SCUBE1: variants seen among roughly 807,000 people sequenced by gnomAD.
SCUBE1 encodes signal peptide, CUB and EGF-like domain-containing protein 1.
SCUBE1 carries 59 observed loss-of-function variants against 124.4 expected under a neutral mutation model. The observed-to-expected ratio is 0.47, with a 90% CI of 0.38 to 0.59. The LOEUF (loss-of-function observed/expected upper bound fraction) is 0.59, where lower values mean the gene tolerates loss of function less well. SCUBE1 is among the 20% of genes least tolerant of loss of function. The probability of loss-of-function intolerance (pLI) is 0.00; values close to 1 mark genes in which losing one functional copy is unlikely to be tolerated. For missense variants in SCUBE1, 1,150 were observed against 1,371.2 expected (o/e 0.84, Z 2.55); for synonymous variants, 545 against 550.9 (o/e 0.99, Z 0.15).
At chr22:43,288,413 C>T (rs1056238582) in intron 4 of SCUBE1, among the ~76,000 whole-genome samples, 2 of 152,222 alleles carry the variant, frequency 1.3e-5, no homozygotes, top group African/African-American at 4.8e-5. Context: ...AGCTTTCCCA[C>T]AGCTGCCCTC....
chr22:43,341,754 C>A (rs1056380012), intron 1 of SCUBE1, among the ~76,000 whole-genome samples: 1 of 152,160 alleles, frequency 6.6e-6, no homozygotes, highest in African/African-American at 2.4e-5. Flanking sequence ...GCGACCCAGC[C>A]CTCCTAGCAC....
chr22:43,288,706 T>C (rs1039240434), intron 4 of SCUBE1, among the ~76,000 whole-genome samples: 13 of 152,204 alleles, frequency 8.5e-5, no homozygotes, highest in Admixed American at 2.6e-4. Context: ...GCGGGCCCCA[T>C]AGCTAGCGTG....
In SCUBE1 at chr22:43,199,101, T is replaced by TGGGGCAGTTTGTCTGTCTGTCTGCTGTCG; in HGVS notation, c.*4895_*4896insCGACAGCAGACAGACAGACAAACTGCCCC. On this transcript the variant is annotated 3_prime_UTR_variant, in exon 22 of 22. Transcript: ENST00000360835. ...GCAGTTTGTTTGTCTGTCTGCTGTC[T>TGGGGCAGTTTGTCTGTCTGTCTGCTGTCG]GGGGCAGTTTGTCATCTGTGCAGGG... is the stretch of plus-strand genomic sequence containing the variant. 1 of 326,324 alleles carries TGGGGCAGTTTGTCTGTCTGTCTGCTGTCG rather than the reference T, an allele frequency of 3.1e-6. No individual in the cohort carries two copies. Among genetic ancestry groups the TGGGGCAGTTTGTCTGTCTGTCTGCTGTCG allele is most frequent in the South Asian group, 2.5e-5 (1 of 40,370 alleles). The allele number at this position is 326,324 out of a possible 1,614,324, so 20.2% of individuals were successfully genotyped here.
intron 7 of SCUBE1, chr22:43,232,191 G>C (rs1481817215): frequency 6.3e-6 from 2 of 317,998 alleles, no homozygotes; most frequent in African/African-American, 4.2e-5. Context: ...CAAGAAAGCA[G>C]GGACAGCGAC....
intron 21 of SCUBE1, among the ~76,000 whole-genome samples, chr22:43,205,905 C>G (rs1295101000): frequency 8.6e-6 from 1 of 116,414 alleles, no homozygotes; most frequent in Non-Finnish European, 1.8e-5. Context: ...ACAAACACCC[C>G]CACCCCCACT....
rs768353995 is a variant in SCUBE1, at chr22:43,238,878, G to C, written c.804C>G (p.Pro268=). Residue 268 remains proline (P), a synonymous_variant, in exon 7 of 22, where the codon CCC becomes CCG. Transcript: ENST00000360835. ...DTATGVRCSC[P]VGFTLQPDGK... is the part of the protein sequence containing the mutation. ...CGTCCGGCTGCAGTGTGAATCCAAC[G>C]GGGCAGCTGCATCGCACGCCAGTGG... 2 of 1,613,238 alleles carry C rather than the reference G, an allele frequency of 1.2e-6. No individual in the cohort carries two copies. Among genetic ancestry groups the C allele is most frequent in the Non-Finnish European group, 1.7e-6 (2 of 1,180,030 alleles).
chr22:43,323,309 C>T (rs913102848), intron 2 of SCUBE1, among the ~76,000 whole-genome samples: 18 of 152,132 alleles, frequency 1.2e-4, no homozygotes, highest in African/African-American at 4.1e-4. Flanking sequence ...CATCCAAACA[C>T]CCATCTACCC....
At chr22:43,272,363 C>T (rs752441938) in intron 4 of SCUBE1, 1 of 152,210 alleles carries the variant, frequency 6.6e-6, no homozygotes, top group Non-Finnish European at 1.5e-5. Context: ...TTCAAAGGCT[C>T]CTGCCAGGCC....
At chr22:43,239,042 G>T in intron 6 of SCUBE1, 88 bp from the exon 7 acceptor site, 1 of 1,054,404 alleles carries the variant, frequency 9.5e-7, no homozygotes, top group Non-Finnish European at 1.4e-6. Context: ...CTATGAGACA[G>T]GAGACGAGAC....
At chr22:43,252,608 A>G (rs1569507367) in intron 6 of SCUBE1, among the ~76,000 whole-genome samples, 1 of 152,128 alleles carries the variant, frequency 6.6e-6, no homozygotes. Flanking sequence ...CGGAACCCCG[A>G]AAGGGGCTCA....
At chr22:43,269,371 C>A (rs918301891) in intron 4 of SCUBE1, among the ~76,000 whole-genome samples, 17 of 152,194 alleles carry the variant, frequency 1.1e-4, no homozygotes, top group Admixed American at 1.1e-3. Flanking sequence ...GTGCGTACAT[C>A]ACATCCTCTG....
At chr22:43,251,492 G>A (rs1402969358) in intron 6 of SCUBE1, among the ~76,000 whole-genome samples, 4 of 152,210 alleles carry the variant, frequency 2.6e-5, no homozygotes, top group African/African-American at 9.7e-5. Context: ...TGGATTATCT[G>A]GAGGGGCCCA....
At position 43,200,093 on chromosome 22, in the gene SCUBE1, G is replaced by A. The variant is rs1443840619; in HGVS notation, c.*3904C>T. On this transcript the variant is annotated 3_prime_UTR_variant, in exon 22 of 22. Coordinates refer to ENST00000360835, the MANE Select transcript of SCUBE1 (RefSeq NM_173050.5). ...TGGGAAGCTGTGCGGGAGACACCCC[G>A]GTTTTCCATGCCTTTCTTCACAGAG... 6.6e-6 allele frequency: 1 copy of A among 152,290 alleles called. No individual in the cohort carries two copies. The highest frequency in any genetic ancestry group is 1.5e-5 in the Non-Finnish European group (1 of 68,090). The allele number at this position is 152,290 out of a possible 1,614,324, so 9.4% of individuals were successfully genotyped here.
At chr22:43,207,010 T>C (rs7290075) in intron 21 of SCUBE1, among the ~76,000 whole-genome samples, 6,412 of 152,164 alleles carry the variant, frequency 0.042, 475 homozygotes, top group African/African-American at 0.15. Context: ...ACCCCGGGGC[T>C]CCTGGGCTGA....
At position 43,220,580 on chromosome 22, in the gene SCUBE1, G is replaced by A. The variant is rs1219978958; in HGVS notation, c.1557C>T (p.Cys519=). ...ACTTGAGGGTCACGAAAGTCACATGGCAGTGGTCTGGACGAGGAAAGGACC... is the reference window on the plus strand; with the variant it reads ...ACTTGAGGGTCACGAAAGTCACATGACAGTGGTCTGGACGAGGAAAGGACC... ...ETARQPLLDH[C]HVTFVTLKCD... is the part of the protein sequence containing the mutation. The change falls in exon 14 of 22, where the codon TGC becomes TGT. Residue 519 remains cysteine (C), a synonymous_variant. Transcript: ENST00000360835. 2 of 1,613,810 alleles carry A rather than the reference G, an allele frequency of 1.2e-6. No homozygotes were observed. The highest frequency in any genetic ancestry group is 1.7e-6 in the Non-Finnish European group (2 of 1,179,946).
chr22:43,294,469 T>C (rs1925485103), intron 3 of SCUBE1, among the ~76,000 whole-genome samples: 1 of 152,094 alleles, frequency 6.6e-6, no homozygotes, highest in Non-Finnish European at 1.5e-5. Context: ...TGAGAAACAG[T>C]ACTTTGGCCC....
intron 2 of SCUBE1, among the ~76,000 whole-genome samples, chr22:43,322,043 G>A (rs1056699986): frequency 2.0e-5 from 3 of 151,920 alleles, no homozygotes; most frequent in Non-Finnish European, 2.9e-5. Flanking sequence ...GGAGTGCAAT[G>A]GCGCGATCTC....
rs78436956 is a variant in SCUBE1 at position 43,198,977 on chromosome 22, C to T, written c.*5020G>A. The T allele has an allele frequency of 0.076, 26,619 of 352,568 alleles. 1,749 individuals carry two copies. Among genetic ancestry groups the T allele is most frequent in the East Asian group, 0.36 (4,842 of 13,304 alleles). 21.8% of individuals were successfully genotyped at this position (352,568 alleles called of 1,614,324 possible). ...CGGGGCAGTTTTTCTGTCTGCTGTCCGGGGCAACGTGTCTGTCTGTCTGCT... is the reference window on the plus strand; with the variant it reads ...CGGGGCAGTTTTTCTGTCTGCTGTCTGGGGCAACGTGTCTGTCTGTCTGCT... On this transcript the variant is annotated 3_prime_UTR_variant, in exon 22 of 22. Transcript: ENST00000360835.
chr22:43,246,194 CT>C (rs1923204108), intron 6 of SCUBE1, among the ~76,000 whole-genome samples: 1 of 152,292 alleles, frequency 6.6e-6, no homozygotes, highest in East Asian at 1.9e-4. Context: ...CAGTCTCCCC[CT>C]GCCCTGCCTC....
Sources: gnomAD v4.1 joint callset for allele counts (sites outside exome capture counted in the v4.1 genomes callset) on GRCh38, gnomAD v4.1.1 for gene constraint, MANE v1.5 for transcripts, NCBI Gene and HGNC (gene_info 2026-07-23, HGNC 2026-07-21) for gene names.